Variants in SCN9A observed in about 807,000 individuals in gnomAD.
SCN9A encodes sodium channel protein type 9 subunit alpha.
SCN9A carries 131 observed loss-of-function variants against 187.0 expected under a neutral mutation model. The ratio of observed to expected loss-of-function variants is 0.70; its 90% confidence interval spans 0.61 to 0.81. SCN9A has a LOEUF of 0.81. Ranked by LOEUF, SCN9A falls within the 30% of genes least tolerant of loss-of-function variation. SCN9A has a pLI of 0.00. For synonymous variants in SCN9A, 809 were observed against 808.6 expected (o/e 1.00, Z -0.01); for missense variants, 2,252 against 2,396.6 (o/e 0.94, Z 1.26).
rs997527984 is a variant in SCN9A, at chr2:166,278,159, A to G, written c.2498T>C (p.Val833Ala). Reference sequence around the variant, plus strand: ...GTTTACCAGTCTGAATGATCGCAGAACTGACAATCCTTCCACATCTGCTAG... The same window carrying G: ...GTTTACCAGTCTGAATGATCGCAGAGCTGACAATCCTTCCACATCTGCTAG... ...LFLADVEGLS[V>A]LRSFRLLRVF... The change falls in exon 15 of 27, where the codon GTT becomes GCT. Residue 833 changes from valine to alanine, a missense_variant. Val to Ala is a moderately conservative substitution (Grantham distance 64, BLOSUM62 0). Transcript: ENST00000642356. The G allele has an allele frequency of 1.9e-6, 3 of 1,612,816 alleles. No homozygotes were observed. The highest frequency in any genetic ancestry group is 2.7e-5 in the African/African-American group (2 of 74,880).
intron 1 of SCN9A, among the ~76,000 whole-genome samples, chr2:166,352,192 T>C (rs533634090): frequency 2.0e-5 from 3 of 152,286 alleles, no homozygotes; most frequent in African/African-American, 4.8e-5. Context: ...GCCCTACTTT[T>C]AACAGCCTGA....
Position 166,235,430 on chromosome 2 carries a change from AG to A in SCN9A, c.3802-1969del, listed in dbSNP as rs370104868. Among the ~76,000 whole-genome samples the A allele has an allele frequency of 3.9e-3, 594 of 152,306 alleles. 6 individuals carry two copies. Among genetic ancestry groups the A allele is most frequent in the African/African-American group, 0.014 (569 of 41,562 alleles). ...AATAACCCAGAAGCCTGCAGAAATC[AG>A]ACAAGTCCATTCTCTGAGTAGCAAA... On this transcript the variant is annotated intron_variant, in intron 20 of 26. Transcript: ENST00000642356.
rs1419363585 is a variant in SCN9A at position 166,242,649 on chromosome 2, T to C, written c.3480A>G (p.Val1160=). Residue 1160 remains valine (V), a synonymous_variant, in exon 19 of 27, where the codon GTA becomes GTG. Transcript: ENST00000642356. ...EPEACFTDGC[V]WRFSCCQVNI... The stretch of plus-strand genomic sequence containing the variant: ...TAACTTGGCAGCATGAGAACCTCCA[T>C]ACACAACCTGACAAGAAAGACATGC... 1 of 1,547,804 alleles carries C rather than the reference T, an allele frequency of 6.5e-7. No homozygotes were observed. The highest frequency in any genetic ancestry group is 8.7e-7 in the Non-Finnish European group (1 of 1,144,428).
chr2:166,222,995 G>A, intron 24 of SCN9A, among the ~76,000 whole-genome samples: 1 of 65,840 alleles, frequency 1.5e-5, no homozygotes, highest in Non-Finnish European at 3.3e-5. Context: ...ACCGTAAAGA[G>A]ATATCATTTC....
intron 24 of SCN9A, among the ~76,000 whole-genome samples, chr2:166,225,910 T>G (rs1039669538): frequency 6.6e-6 from 1 of 152,182 alleles, no homozygotes; most frequent in Non-Finnish European, 1.5e-5. Flanking sequence ...AACATGGACC[T>G]GCTGACACTT....
Position 166,311,581 on chromosome 2 carries a change from A to C in SCN9A, c.176T>G (p.Leu59Arg). The change falls in exon 2 of 27, where the codon CTG becomes CGG. Residue 59 changes from leucine (L) to arginine (R), a missense_variant. Leu to Arg is a moderately radical substitution (Grantham distance 102, BLOSUM62 -2). Transcript: ENST00000642356. ...PSSDLEAGKQ[L>R]PFIYGDIPPG... Reference sequence around the variant, plus strand: ...AGGAATGTCCCCATAGATGAAGGGCAGCTGTTTGCCAGCTTCCAAGTCACT... The same window carrying C: ...AGGAATGTCCCCATAGATGAAGGGCCGCTGTTTGCCAGCTTCCAAGTCACT... The C allele has an allele frequency of 6.2e-7, 1 of 1,613,268 alleles. No individual in the cohort carries two copies. The highest frequency in any genetic ancestry group is 1.1e-5 in the South Asian group (1 of 91,032).
chr2:166,216,931 C>T (rs933832210), intron 24 of SCN9A, among the ~76,000 whole-genome samples: 2 of 151,932 alleles, frequency 1.3e-5, no homozygotes, highest in Admixed American at 6.6e-5. Context: ...CCAAAGCAAT[C>T]TGAGCAAAAA....
chr2:166,332,204 G>A (rs1431743769), intron 1 of SCN9A, among the ~76,000 whole-genome samples: 2 of 152,110 alleles, frequency 1.3e-5, no homozygotes, highest in African/African-American at 4.8e-5. Flanking sequence ...GTAGAATCCT[G>A]TGTGGCAGCA....
intron 17 of SCN9A, among the ~76,000 whole-genome samples, chr2:166,264,745 G>A (rs150689013): frequency 9.9e-5 from 15 of 151,988 alleles, no homozygotes; most frequent in South Asian, 2.1e-4. Context: ...AAAAGAGAGG[G>A]TTTTTGGGTA....
At position 166,199,128 on chromosome 2, in the gene SCN9A, A is replaced by G. The variant is rs1261058210; in HGVS notation, c.5511T>C (p.His1837=). Residue 1837 remains histidine, a synonymous_variant, in exon 27 of 27, where the codon CAT becomes CAC. Transcript: ENST00000642356. ...DLPMVSGDRI[H]CLDILFAFTK... is the part of the protein sequence containing the mutation. ...TAAAAGCAAATAAGATGTCAAGACA[A>G]TGGATCCGGTCACCACTAACCATGG... 3.1e-6 allele frequency: 5 copies of G among 1,614,198 alleles called. No homozygotes were observed. The highest frequency in any genetic ancestry group is 1.6e-4 in the Middle Eastern group (1 of 6,062).
intron 21 of SCN9A, among the ~76,000 whole-genome samples, chr2:166,229,264 A>G (rs749910501): frequency 2.2e-4 from 33 of 152,272 alleles, no homozygotes; most frequent in Non-Finnish European, 4.4e-4. Context: ...AGATAATATA[A>G]TAGCTTAAAT....
At chr2:166,318,944 A>G (rs1026616979) in intron 1 of SCN9A, among the ~76,000 whole-genome samples, 1 of 152,194 alleles carries the variant, frequency 6.6e-6, no homozygotes, top group African/African-American at 2.4e-5. Flanking sequence ...GTCTCAAGAG[A>G]GCAGCAAATA....
Position 166,233,444 on chromosome 2 carries a change from C to T in SCN9A, c.3820G>A (p.Val1274Met), listed in dbSNP as rs752445932. ...TCTGAGTAGCCAAGAGTGTTTGCCACTAAAGTAACCAAAGAAACCTATAAA... is the reference window on the plus strand; with the variant it reads ...TCTGAGTAGCCAAGAGTGTTTGCCATTAAAGTAACCAAAGAAACCTATAAA... ...LIVDVSLVTL[V>M]ANTLGYSDLG... Residue 1274 changes from valine to methionine, a missense_variant, in exon 21 of 27, where the codon GTG (valine) becomes ATG (methionine). Transcript: ENST00000642356. The T allele has an allele frequency of 1.3e-6, 2 of 1,569,102 alleles. No individual in the cohort carries two copies. Among genetic ancestry groups the T allele is most frequent in the South Asian group, 1.2e-5 (1 of 80,840 alleles).
intron 1 of SCN9A, among the ~76,000 whole-genome samples, chr2:166,362,705 C>T (rs139677117): frequency 0.011 from 1,738 of 151,578 alleles, 13 homozygotes; most frequent in South Asian, 0.015. Flanking sequence ...AATTTATATT[C>T]CAGAAGGAAT....
chr2:166,370,223 A>ATCATCATC (rs1553507710), intron 1 of SCN9A, among the ~76,000 whole-genome samples: 2,550 of 120,894 alleles, frequency 0.021, 59 homozygotes, highest in African/African-American at 0.056. Context: ...TAATAATAAT[A>ATCATCATC]ATAATAATAA....
intron 18 of SCN9A, among the ~76,000 whole-genome samples, chr2:166,247,770 G>A (rs533858814): frequency 1.3e-5 from 2 of 152,144 alleles, no homozygotes; most frequent in East Asian, 3.9e-4. Flanking sequence ...GTTATTTTTC[G>A]CTAACTCTAA....
intron 1 of SCN9A, among the ~76,000 whole-genome samples, chr2:166,368,065 C>T (rs1233594742): frequency 6.6e-6 from 1 of 152,134 alleles, no homozygotes; most frequent in Non-Finnish European, 1.5e-5. Flanking sequence ...CAAACGTATT[C>T]TTGGAATATA....
At chr2:166,247,896 C>A (rs1213645782) in intron 18 of SCN9A, among the ~76,000 whole-genome samples, 6 of 151,962 alleles carry the variant, frequency 3.9e-5, no homozygotes, top group Admixed American at 1.3e-4. Context: ...TCATGTAGAA[C>A]TAAGGATAGT....
At chr2:166,371,349 T>C (rs1415599865) in intron 1 of SCN9A, among the ~76,000 whole-genome samples, 1 of 152,216 alleles carries the variant, frequency 6.6e-6, no homozygotes. Context: ...GGCATTCCCC[T>C]CTTCCTTCCC....
Sources: allele counts gnomAD v4.1 joint callset (sites outside exome capture counted in the v4.1 genomes callset), GRCh38; gene constraint gnomAD v4.1.1; transcripts MANE v1.5; gene names NCBI Gene and HGNC (gene_info 2026-07-23, HGNC 2026-07-21).